Variants in GIGYF1 observed in about 807,000 individuals in gnomAD.
GIGYF1 encodes GRB10-interacting GYF protein 1.
A neutral mutation model predicts 147.1 loss-of-function variants in GIGYF1; 84 were observed. That is an observed-to-expected ratio of 0.57 (90% CI 0.48 to 0.68). The LOEUF is 0.68. GIGYF1 is among the 30% of genes least tolerant of loss of function. The probability of loss-of-function intolerance (pLI) is 0.00; values close to 1 mark genes in which losing one functional copy is unlikely to be tolerated. For synonymous variants in GIGYF1, 752 were observed against 589.5 expected (o/e 1.28, Z -3.99); for missense variants, 1,485 against 1,393.7 (o/e 1.07, Z -1.04).
chr7:100,686,293 G>C lies in GIGYF1; in HGVS notation c.835C>G (p.Arg279Gly), dbSNP rs1451723425. Residue 279 changes from arginine (R) to glycine (G), a missense_variant, in exon 11 of 27, where the codon CGA (arginine) becomes GGA (glycine). By Grantham distance (125) the Arg-to-Gly change is moderately radical (BLOSUM62 -2). Transcript: ENST00000678049. ...TCCTCCTCAAAGCCTTCAGGCGCTC[G>C]GCACCGCCGCAGGTGAGAGCTGCCT... is the stretch of plus-strand genomic sequence containing the variant. ...GGGSSHLRRC[R>G]APEGFEEDKD... 2 of 1,613,954 alleles carry C rather than the reference G, an allele frequency of 1.2e-6. No homozygotes were observed. The highest frequency in any genetic ancestry group is 1.3e-5 in the African/African-American group (1 of 75,008).
chr7:100,681,901 C>T lies in GIGYF1; in HGVS notation c.3018G>A (p.Arg1006=). 1.2e-6 allele frequency: 2 copies of T among 1,611,868 alleles called. No homozygotes were observed. Among genetic ancestry groups the T allele is most frequent in the Non-Finnish European group, 1.7e-6 (2 of 1,179,958 alleles). ...GGTCTGAGTGCAGCATCAGTGCCCGCCTCTTGGCCTTGCTGCCCTCCCCGG... is the reference window on the plus strand; with the variant it reads ...GGTCTGAGTGCAGCATCAGTGCCCGTCTCTTGGCCTTGCTGCCCTCCCCGG... ...LGPGEGSKAK[R]RALMLHSDPS... Residue 1006 remains arginine, a synonymous_variant, in exon 26 of 27, where the codon AGG becomes AGA. Coordinates refer to ENST00000678049, the MANE Select transcript of GIGYF1 (RefSeq NM_001375765.1).
chr7:100,691,059 G>T (rs1018540893), intron 1 of GIGYF1, among the ~76,000 whole-genome samples: 6 of 152,216 alleles, frequency 3.9e-5, no homozygotes, highest in Non-Finnish European at 8.8e-5. Context: ...CACCCCCACA[G>T]CAGGGTCTGG....
Position 100,687,686 on chromosome 7 carries a change from C to A in GIGYF1, c.262-70G>T, listed in dbSNP as rs1263261968. The A allele has an allele frequency of 9.3e-6, 13 of 1,403,694 alleles. No individual in the cohort carries two copies. In the East Asian group the frequency reaches 2.6e-4, roughly 28 times the overall value. The allele number at this position is 1,403,694 out of a possible 1,614,324, so 87.0% of individuals were successfully genotyped here. A position where few individuals can be genotyped will look rare whatever the true frequency, so the allele number is the denominator to read the frequency against. On this transcript the variant is annotated intron_variant, in intron 6 of 26. Transcript: ENST00000678049. Reference sequence around the variant, plus strand: ...CCACCTCCACCCCCACCCCACAGCACCCTCCCCGCCTGTCTCCTCAGCGCT... The same window carrying A: ...CCACCTCCACCCCCACCCCACAGCAACCTCCCCGCCTGTCTCCTCAGCGCT...
Position 100,684,900 on chromosome 7 carries a change from T to C in GIGYF1, c.1291-6A>G, listed in dbSNP as rs1431563377. 1 of 1,605,908 alleles carries C rather than the reference T, an allele frequency of 6.2e-7. No individual in the cohort carries two copies. The highest frequency in any genetic ancestry group is 1.1e-5 in the South Asian group (1 of 90,468). On this transcript the variant is annotated splice_polypyrimidine_tract_variant and splice_region_variant and intron_variant, in intron 14 of 26. Coordinates refer to ENST00000678049, the MANE Select transcript of GIGYF1 (RefSeq NM_001375765.1). ...GCCACCAGCTTCTCCGCCTCCTGGA[T>C]GCCCAGAAAAAGAAGAAAGGCTCAG...
rs1281349904 is a variant in GIGYF1 at position 100,684,104 on chromosome 7, G to C, written c.1784C>G (p.Thr595Arg). 6.2e-7 allele frequency: 1 copy of C among 1,607,792 alleles called. No homozygotes were observed. The highest frequency in any genetic ancestry group is 8.5e-7 in the Non-Finnish European group (1 of 1,179,726). Residue 595 changes from threonine to arginine, a missense_variant, in exon 18 of 27, where the codon ACA becomes AGA. By Grantham distance (71) the Thr-to-Arg change is moderately conservative. Transcript: ENST00000678049. Reference sequence around the variant, plus strand: ...CTGTGGCGGCGGCGGTGGTGGCGGTGTCAGGTCCCCCAGAGCTGCCTTTTC... The same window carrying C: ...CTGTGGCGGCGGCGGTGGTGGCGGTCTCAGGTCCCCCAGAGCTGCCTTTTC... The part of the protein sequence containing the change: ...LREKAALGDL[T>R]PPPPPPPQQQ...
chr7:100,685,245 C>T lies in GIGYF1; in HGVS notation c.1192+99G>A, dbSNP rs1805206050. ...AGAACACCACGCTCTTGCCATGGCT[C>T]CTCAATGTGAATGCCCTGTGTGCCC... is the stretch of plus-strand genomic sequence containing the variant. On this transcript the variant is annotated intron_variant, in intron 13 of 26. Coordinates refer to ENST00000678049, the MANE Select transcript of GIGYF1 (RefSeq NM_001375765.1). 2.0e-6 allele frequency: 3 copies of T among 1,527,500 alleles called. 1 individual carries two copies. The South Asian group carries it at 3.7e-5, about 19-fold the overall frequency. 94.6% of individuals were successfully genotyped at this position (1,527,500 alleles called of 1,614,324 possible). A position where few individuals can be genotyped will look rare whatever the true frequency, so the allele number is the denominator to read the frequency against.
In GIGYF1 at chr7:100,686,174, A is replaced by G; in HGVS notation, c.948+6T>C. On this transcript the variant is annotated splice_donor_region_variant and intron_variant, in intron 11 of 26. Coordinates refer to ENST00000678049, the MANE Select transcript of GIGYF1 (RefSeq NM_001375765.1). ...CAGGTTCCCACCCTCGCCTCCTCAC[A>G]GATACCTTGAGAGGCAAGAAGGCCC... The G allele has an allele frequency of 2.5e-6, 4 of 1,605,822 alleles. No homozygotes were observed. Among genetic ancestry groups the G allele is most frequent in the Non-Finnish European group, 3.4e-6 (4 of 1,174,944 alleles).
Position 100,685,055 on chromosome 7 carries a change from C to G in GIGYF1, c.1284G>C (p.Leu428=). 6.4e-7 allele frequency: 1 copy of G among 1,568,014 alleles called. No homozygotes were observed. Reference sequence around the variant, plus strand: ...CTTTCTCAGGCCCCCACACCTGCTGCAGGTGCTTCAAGCCTTCATCATCCT... The same window carrying G: ...CTTTCTCAGGCCCCCACACCTGCTGGAGGTGCTTCAAGCCTTCATCATCCT... ...DLEDDEGLKH[L]QQEAEKLVAS... is the part of the protein sequence containing the mutation. The change falls in exon 14 of 27, where the codon CTG becomes CTC. Residue 428 remains leucine (L), a synonymous_variant. Coordinates refer to ENST00000678049, the MANE Select transcript of GIGYF1 (RefSeq NM_001375765.1).
intron 12 of GIGYF1, among the ~76,000 whole-genome samples, chr7:100,685,767 T>C (rs1426408726): frequency 2.0e-5 from 3 of 152,206 alleles, no homozygotes; most frequent in African/African-American, 7.2e-5. Context: ...TCAAAGGTCA[T>C]TTTGATTACG....
Position 100,684,010 on chromosome 7 carries a change from C to T in GIGYF1, c.1868+10G>A. ...ACCCTGTATCCTGAGGGCTCGCACG[C>T]ACCACGCACCTGGGGGGTTTGAGCG... On this transcript the variant is annotated intron_variant, in intron 18 of 26. Transcript: ENST00000678049. The T allele has an allele frequency of 6.2e-7, 1 of 1,602,330 alleles. No individual in the cohort carries two copies. The highest frequency in any genetic ancestry group is 8.5e-7 in the Non-Finnish European group (1 of 1,178,242).
intron 1 of GIGYF1, among the ~76,000 whole-genome samples, chr7:100,692,455 T>C (rs947926396): frequency 6.6e-6 from 1 of 152,210 alleles, no homozygotes; most frequent in African/African-American, 2.4e-5. Flanking sequence ...GTGCGCACGG[T>C]AGCAGTAACC....
At chr7:100,686,455 G>A (rs756275710) in intron 10 of GIGYF1, 22 bp from the exon 11 acceptor site, 24 of 1,563,438 alleles carry the variant, frequency 1.5e-5, no homozygotes, top group Non-Finnish European at 1.9e-5. Flanking sequence ...AAGTCAGGGA[G>A]AAGAAGAGTG....
chr7:100,686,602 T>G, intron 10 of GIGYF1, 47 bp downstream of exon 10: 1 of 1,567,590 alleles, frequency 6.4e-7, no homozygotes, highest in Non-Finnish European at 8.6e-7. Context: ...TCATTACAGT[T>G]CCTGCTCCCC....
chr7:100,685,273 C>T (rs913111911), intron 13 of GIGYF1, 71 bp downstream of exon 13: 9 of 1,538,146 alleles, frequency 5.9e-6, no homozygotes, highest in Non-Finnish European at 6.1e-6. Flanking sequence ...GTGTGCCCAC[C>T]CCCACGAGTG....
rs746792627 is a variant in GIGYF1, at chr7:100,684,430, G to T, written c.1629+20C>A. 1 of 1,611,372 alleles carries T rather than the reference G, an allele frequency of 6.2e-7. No individual in the cohort carries two copies. The highest frequency in any genetic ancestry group is 8.5e-7 in the Non-Finnish European group (1 of 1,179,850). On this transcript the variant is annotated intron_variant, in intron 16 of 26. Coordinates refer to ENST00000678049, the MANE Select transcript of GIGYF1 (RefSeq NM_001375765.1). ...CACCCCTCACACCCTGTCCCTCCAT[G>T]CAGGGGAGAAGCGGCTCACCAGCAG... is the stretch of plus-strand genomic sequence containing the variant.
intron 1 of GIGYF1, among the ~76,000 whole-genome samples, chr7:100,693,092 C>T (rs1180450200): frequency 4.0e-5 from 6 of 151,820 alleles, no homozygotes; most frequent in African/African-American, 1.5e-4. Flanking sequence ...TCTTCCAGAA[C>T]GACACTTTGA....
At position 100,686,211 on chromosome 7, in the gene GIGYF1, A is replaced by G; in HGVS notation, c.917T>C (p.Phe306Ser). Residue 306 changes from phenylalanine (F) to serine (S), a missense_variant, in exon 11 of 27, where the codon TTT (phenylalanine) becomes TCT (serine). Phe to Ser is a radical substitution (Grantham distance 155, BLOSUM62 -2). Coordinates refer to ENST00000678049, the MANE Select transcript of GIGYF1 (RefSeq NM_001375765.1). ...LDDEDEEMGT[F>S]DASGAFLPLK... ...AGGCAAGAAGGCCCCAGAGGCATCA[A>G]AGGTGCCCATTTCTTCATCCTCATC... 1.2e-6 allele frequency: 2 copies of G among 1,613,430 alleles called. No homozygotes were observed. Among genetic ancestry groups the G allele is most frequent in the Non-Finnish European group, 1.7e-6 (2 of 1,179,704 alleles).
At chr7:100,681,832 G>C in intron 26 of GIGYF1, 32 bp downstream of exon 26, 2 of 1,609,204 alleles carry the variant, frequency 1.2e-6, no homozygotes, top group Non-Finnish European at 8.5e-7. Context: ...CCTGTGCCAA[G>C]GAAGTCCCGC....
intron 9 of GIGYF1, 65 bp from the exon 10 acceptor site, chr7:100,686,884 CG>C: frequency 6.8e-7 from 1 of 1,475,000 alleles, no homozygotes; most frequent in Non-Finnish European, 8.9e-7. Context: ...CCTCAAGAAA[CG>C]TTGGGGGGGC....
Sources: allele counts gnomAD v4.1 joint callset (sites outside exome capture counted in the v4.1 genomes callset), GRCh38; gene constraint gnomAD v4.1.1; transcripts MANE v1.5; gene names NCBI Gene and HGNC (gene_info 2026-07-23, HGNC 2026-07-21).